The following CD5 variants were observed in gnomAD, a reference collection of about 807,000 sequenced individuals.
CD5 encodes the protein CD5 molecule, also known as T-cell surface glycoprotein CD5.
CD5 carries 36 observed loss-of-function variants against 60.3 expected under a neutral mutation model. The observed-to-expected ratio is 0.60, with a 90% CI of 0.46 to 0.79. The LOEUF is 0.79. Among genes scored for constraint, CD5 ranks in the 30% least tolerant of loss-of-function variants. The pLI is 0.00. For synonymous variants in CD5, 230 were observed against 257.6 expected, an observed-to-expected ratio of 0.89 and a Z score of 1.03; for missense variants, 540 against 630.6, an observed-to-expected ratio of 0.86 and a Z score of 1.54.
At chr11:61,114,857 G>A (rs975218029) in intron 1 of CD5, among the ~76,000 whole-genome samples, 199 bp from the exon 2 acceptor site, 1 of 151,976 alleles carries the variant, frequency 6.6e-6, no homozygotes, top group Non-Finnish European at 1.5e-5. Context: ...AAAAAAAATC[G>A]ATAGTTGCAG....
At chr11:61,122,413 GGATGGATC>G (rs1204471157) in intron 6 of CD5, among the ~76,000 whole-genome samples, 1 of 137,074 alleles carries the variant, frequency 7.3e-6, no homozygotes, top group South Asian at 2.4e-4. Context: ...ATGGATGGAT[GGATGGATC>G]AGTGGGTGGG....
chr11:61,100,279 A>G (rs1860648992), upstream of CD5, among the ~76,000 whole-genome samples: 1 of 142,590 alleles, frequency 7.0e-6, no homozygotes, highest in South Asian at 2.4e-4. Context: ...ACACATCAAC[A>G]TGGAGATCAC....
chr11:61,119,105 G>C lies in CD5; in HGVS notation c.463+128G>C, dbSNP rs1018380363. On this transcript the variant is annotated intron_variant, in intron 4 of 10. Transcript: ENST00000347785. ...ATTGGTGTGTTCTACGCAATATTTGGGACCCCATCACCTCCCAAGGCTAAG... is the reference window on the plus strand; with the variant it reads ...ATTGGTGTGTTCTACGCAATATTTGCGACCCCATCACCTCCCAAGGCTAAG... 11 of 1,172,016 alleles carry C rather than the reference G, an allele frequency of 9.4e-6. No individual in the cohort carries two copies. In the African/African-American group the frequency reaches 1.7e-4, roughly 18 times the overall value. The allele number at this position is 1,172,016 out of a possible 1,614,324, so 72.6% of individuals were successfully genotyped here.
chr11:61,125,591 T>G (rs1218414848), intron 9 of CD5, among the ~76,000 whole-genome samples, 160 bp from the exon 10 acceptor site: 3 of 152,176 alleles, frequency 2.0e-5, no homozygotes, highest in Admixed American at 6.5e-5. Context: ...TTCAGCATCA[T>G]TAGTGAACGT....
At chr11:61,119,182 G>A in intron 4 of CD5, 52 bp from the exon 5 acceptor site, 4 of 1,493,832 alleles carry the variant, frequency 2.7e-6, no homozygotes, top group Non-Finnish European at 3.6e-6. Flanking sequence ...GGAGTGCCCA[G>A]GAAGCCCTCG....
chr11:61,114,811 C>T (rs1312731862), intron 1 of CD5, among the ~76,000 whole-genome samples: 9 of 151,928 alleles, frequency 5.9e-5, no homozygotes, highest in Admixed American at 1.3e-4. Flanking sequence ...ATCAATTTCA[C>T]GTCTGTTCAT....
intron 9 of CD5, among the ~76,000 whole-genome samples, chr11:61,125,382 T>G: frequency 6.6e-6 from 1 of 152,180 alleles, no homozygotes; most frequent in Non-Finnish European, 1.5e-5. Flanking sequence ...GAGAGAAGAA[T>G]GCACTCAGAA....
At position 61,122,971 on chromosome 11, in the gene CD5, G is replaced by T; in HGVS notation, c.1164G>T (p.Val388=). Residue 388 remains valine, a synonymous_variant, in exon 7 of 11, where the codon GTG becomes GTT. Transcript: ENST00000347785. ...TGGCAAGCATCATCCTGGCCCTGGT[G>T]CTCCTGGTGGTGCTGCTGGTCGTGT... ...GTVASIILAL[V]LLVVLLVVCG... is the part of the protein sequence containing the mutation. The T allele has an allele frequency of 8.7e-6, 14 of 1,614,132 alleles. 1 individual carries two copies. Among genetic ancestry groups the T allele is most frequent in the Non-Finnish European group, 1.2e-5 (14 of 1,179,976 alleles).
At chr11:61,100,622 T>A (rs1243324609), upstream of CD5, among the ~76,000 whole-genome samples, 1 of 53,102 alleles carries the variant, frequency 1.9e-5, no homozygotes, top group African/African-American at 1.1e-4. Flanking sequence ...AACATGGAGA[T>A]CACACACACA....
chr11:61,111,786 C>T (rs371016158), intron 1 of CD5, among the ~76,000 whole-genome samples: 1 of 152,208 alleles, frequency 6.6e-6, no homozygotes, highest in African/African-American at 2.4e-5. Flanking sequence ...GTCTGCTGCC[C>T]TGGGCACAGC....
chr11:61,100,920 TCA>T (rs776811638), upstream of CD5, among the ~76,000 whole-genome samples: 31 of 105,026 alleles, frequency 3.0e-4, no homozygotes, highest in African/African-American at 4.4e-4. Flanking sequence ...AACATGGAGA[TCA>T]CACACACACA....
At chr11:61,123,132 G>T in intron 7 of CD5, 100 bp downstream of exon 7, 1 of 1,370,122 alleles carries the variant, frequency 7.3e-7, no homozygotes, top group Non-Finnish European at 9.8e-7. Flanking sequence ...CAGAGAGCTG[G>T]GCACGCAGGA....
upstream of CD5, among the ~76,000 whole-genome samples, chr11:61,097,570 A>C (rs897109860): frequency 1.3e-5 from 2 of 152,204 alleles, no homozygotes; most frequent in Non-Finnish European, 2.9e-5. Flanking sequence ...ATATGTGGGC[A>C]TAGAGCTTAC....
At chr11:61,095,682 A>G in the CD5 span, among the ~76,000 whole-genome samples, 1 of 152,178 alleles carries the variant, frequency 6.6e-6, no homozygotes, top group African/African-American at 2.4e-5. Context: ...GGGACCAGAC[A>G]TGGAGAGGCT....
upstream of CD5, among the ~76,000 whole-genome samples, chr11:61,101,671 TCAACATGGCGATCACAA>T: frequency 7.2e-6 from 1 of 138,258 alleles, no homozygotes; most frequent in Admixed American, 7.2e-5. Flanking sequence ...CACACACACA[TCAACATGGCGATCACAA>T]TCACACACAT....
intron 2 of CD5, among the ~76,000 whole-genome samples, chr11:61,116,362 C>T (rs1860944869): frequency 1.3e-5 from 2 of 151,676 alleles, no homozygotes. Flanking sequence ...TCAAGGAGCT[C>T]TTTATGCAAA....
At chr11:61,120,264 T>A (rs1441626140) in intron 5 of CD5, among the ~76,000 whole-genome samples, 1 of 152,044 alleles carries the variant, frequency 6.6e-6, no homozygotes. Context: ...ACGGAGAAAC[T>A]TCGCAGTACG....
chr11:61,110,072 C>T (rs894463814), intron 1 of CD5, among the ~76,000 whole-genome samples: 4 of 151,958 alleles, frequency 2.6e-5, no homozygotes, highest in Non-Finnish European at 5.9e-5. Flanking sequence ...TCAGGGAGAC[C>T]CTGAACACAG....
intron 1 of CD5, among the ~76,000 whole-genome samples, 197 bp downstream of exon 1, chr11:61,102,812 G>T (rs552898749): frequency 1.3e-5 from 2 of 152,290 alleles, no homozygotes; most frequent in African/African-American, 4.8e-5. Flanking sequence ...TGTCCCACCC[G>T]CCAGGAGCAC....
Sources: gnomAD v4.1 joint callset for allele counts (sites outside exome capture counted in the v4.1 genomes callset) on GRCh38, gnomAD v4.1.1 for gene constraint, MANE v1.5 for transcripts, NCBI Gene and HGNC (gene_info 2026-07-23, HGNC 2026-07-21) for gene names.